The following PLXNA2 variants were observed in gnomAD, a reference collection of about 807,000 sequenced individuals.
The protein encoded by PLXNA2 is plexin-A2.
Under a neutral mutation model 193.5 loss-of-function variants are expected in PLXNA2, and 91 were observed. The observed-to-expected ratio is 0.47, with a 90% CI of 0.40 to 0.56. The LOEUF (loss-of-function observed/expected upper bound fraction) is 0.56, where lower values mean the gene tolerates loss of function less well. Ranked by LOEUF, PLXNA2 falls within the 20% of genes least tolerant of loss-of-function variation. The pLI, the probability that PLXNA2 is intolerant of heterozygous loss-of-function variation, is 0.00. For synonymous variants in PLXNA2, 997 were observed against 1,027.3 expected, an observed-to-expected ratio of 0.97 and a Z score of 0.56; for missense variants, 1,995 against 2,503.2, an observed-to-expected ratio of 0.80 and a Z score of 4.33.
intron 9 of PLXNA2, among the ~76,000 whole-genome samples, chr1:208,085,043 G>T (rs748584907): frequency 2.0e-5 from 3 of 151,416 alleles, no homozygotes; most frequent in Non-Finnish European, 4.4e-5. Flanking sequence ...TTTCCAGAAG[G>T]TGGATCAAGC....
Position 208,210,442 on chromosome 1 carries a change from G to C in PLXNA2, c.1209C>G (p.Asn403Lys). ...GCTGGTTGATGTCCAGTCCACAGAA[G>C]TTATCATCGATGGGGACAGGCTGGA... ...CTKAPVPIDD[N>K]FCGLDINQPL... Residue 403 changes from asparagine (N) to lysine (K), a missense_variant, in exon 3 of 32, where the codon AAC becomes AAG. This residue lies in a region of PLXNA2 where 702 missense variants were observed against 812.9 expected (regional missense o/e 0.86). Transcript: ENST00000367033. 6.2e-7 allele frequency: 1 copy of C among 1,613,182 alleles called. No homozygotes were observed. The highest frequency in any genetic ancestry group is 2.2e-5 in the East Asian group (1 of 44,840).
At chr1:208,235,041 G>A (rs1671811601) in intron 1 of PLXNA2, among the ~76,000 whole-genome samples, 1 of 152,154 alleles carries the variant, frequency 6.6e-6, no homozygotes, top group African/African-American at 2.4e-5. Context: ...TCCATGAAGG[G>A]TTGACTCCCA....
intron 3 of PLXNA2, among the ~76,000 whole-genome samples, chr1:208,157,883 C>A (rs1256383882): frequency 6.6e-6 from 1 of 152,194 alleles, no homozygotes; most frequent in African/African-American, 2.4e-5. Flanking sequence ...GGAGAGAAGG[C>A]AAGACTGTTT....
At chr1:208,235,817 G>GAAC (rs1289180492) in intron 1 of PLXNA2, among the ~76,000 whole-genome samples, 1 of 152,210 alleles carries the variant, frequency 6.6e-6, no homozygotes, top group Non-Finnish European at 1.5e-5. Flanking sequence ...CTCTAAGTCT[G>GAAC]TGGGCCAAGA....
chr1:208,084,349 T>C (rs1666440664), intron 10 of PLXNA2, 31 bp downstream of exon 10: 1 of 1,604,554 alleles, frequency 6.2e-7, no homozygotes, highest in Non-Finnish European at 8.5e-7. Flanking sequence ...GAAGCCCTGC[T>C]CCAGGCAGGG....
intron 3 of PLXNA2, among the ~76,000 whole-genome samples, chr1:208,153,305 C>A (rs545808747): frequency 9.2e-5 from 14 of 152,210 alleles, no homozygotes; most frequent in Non-Finnish European, 1.6e-4. Context: ...GATGAGGAAA[C>A]GGAGGCATAG....
chr1:208,124,290 T>C (rs1394218550), intron 4 of PLXNA2, among the ~76,000 whole-genome samples: 1 of 152,126 alleles, frequency 6.6e-6, no homozygotes, highest in Non-Finnish European at 1.5e-5. Context: ...ACCTGGGTGA[T>C]GAAATAATCT....
Position 208,082,510 on chromosome 1 carries a change from T to C in PLXNA2, c.2299-2A>G. On this transcript the variant is annotated splice_acceptor_variant, in intron 10 of 31. Transcript: ENST00000367033. LOFTEE classifies it high-confidence loss of function. The surrounding 1 kb of genome is among the most constrained non-coding windows in gnomAD (Gnocchi z 4.2). ...GATGTCCATGCCATCATACTGGTAC[T>C]ATAGGGAGACGGGCAGAGGCATGGG... 6.2e-7 allele frequency: 1 copy of C among 1,613,302 alleles called. No homozygotes were observed. Among genetic ancestry groups the C allele is most frequent in the Non-Finnish European group, 8.5e-7 (1 of 1,179,368 alleles).
At chr1:208,186,422 A>G (rs1669999949) in intron 3 of PLXNA2, among the ~76,000 whole-genome samples, 1 of 152,212 alleles carries the variant, frequency 6.6e-6, no homozygotes, top group Non-Finnish European at 1.5e-5. Context: ...AAAAACAAAC[A>G]AACGGAAAAA....
intron 3 of PLXNA2, among the ~76,000 whole-genome samples, chr1:208,155,974 G>C (rs570700): frequency 0.28 from 43,050 of 152,118 alleles, 6,951 homozygotes; most frequent in Non-Finnish European, 0.37. Context: ...CCCATGAAGC[G>C]CAGTGAAGGA....
intron 4 of PLXNA2, among the ~76,000 whole-genome samples, chr1:208,139,083 G>T (rs1038044940): frequency 6.6e-6 from 1 of 152,184 alleles, no homozygotes; most frequent in African/African-American, 2.4e-5. Flanking sequence ...AATTGAAAAA[G>T]AGAACACTGC....
rs761558799 is a variant in PLXNA2, at chr1:208,217,539, G to A, written c.384C>T (p.Ala128=). Residue 128 remains alanine, a synonymous_variant, in exon 2 of 32, where the codon GCC becomes GCT. Coordinates refer to ENST00000367033, the MANE Select transcript of PLXNA2 (RefSeq NM_025179.4). This position sits in a 1 kb window ranked among gnomAD's most constrained non-coding sequence, Gnocchi z 4.7. ...AGACCCCCTGGTAGAGGCTCCCACA[G>A]GCCAGCAGGCGGTTCTCAGAGTAGT... is the stretch of plus-strand genomic sequence containing the variant. ...IIDYSENRLL[A]CGSLYQGVCK... is the part of the protein sequence containing the mutation. 4 of 1,614,234 alleles carry A rather than the reference G, an allele frequency of 2.5e-6. No homozygotes were observed. Among genetic ancestry groups the A allele is most frequent in the Non-Finnish European group, 3.4e-6 (4 of 1,180,048 alleles).
At chr1:208,058,676 C>A (rs368385236) in intron 13 of PLXNA2, among the ~76,000 whole-genome samples, 1 of 152,094 alleles carries the variant, frequency 6.6e-6, no homozygotes, top group South Asian at 2.1e-4. Flanking sequence ...TTTTCTGGGG[C>A]GACCACCAGC....
intron 5 of PLXNA2, among the ~76,000 whole-genome samples, chr1:208,102,476 G>A (rs1458829182): frequency 6.6e-6 from 1 of 152,224 alleles, no homozygotes; most frequent in Admixed American, 6.5e-5. Context: ...TTCAACGGCA[G>A]ATCATGAGGC....
intron 13 of PLXNA2, among the ~76,000 whole-genome samples, chr1:208,054,982 T>C (rs1044082552): frequency 1.3e-5 from 2 of 152,198 alleles, no homozygotes; most frequent in Non-Finnish European, 2.9e-5. Context: ...GAGGGCATGT[T>C]TGCCAAGCCG....
chr1:208,237,885 A>G (rs1238520196), intron 1 of PLXNA2, among the ~76,000 whole-genome samples: 1 of 152,140 alleles, frequency 6.6e-6, no homozygotes, highest in East Asian at 1.9e-4. Flanking sequence ...TTACTTTTTC[A>G]TCCTTGTATT....
chr1:208,146,223 T>G (rs753131355), intron 3 of PLXNA2, among the ~76,000 whole-genome samples: 21 of 152,214 alleles, frequency 1.4e-4, no homozygotes, highest in Non-Finnish European at 2.1e-4. Flanking sequence ...GGGTTTCCAT[T>G]CTGACTCTGT....
At chr1:208,181,729 T>C (rs901784848) in intron 3 of PLXNA2, among the ~76,000 whole-genome samples, 2 of 152,166 alleles carry the variant, frequency 1.3e-5, no homozygotes, top group African/African-American at 4.8e-5. Flanking sequence ...ACCAGGCCGT[T>C]GTGGGCCCGA....
chr1:208,100,100 A>G (rs1667045526), intron 5 of PLXNA2, among the ~76,000 whole-genome samples: 1 of 151,888 alleles, frequency 6.6e-6, no homozygotes, highest in Non-Finnish European at 1.5e-5. Context: ...TTGGCCAGGC[A>G]TGGTGGCTCA....
Sources: gnomAD v4.1 joint callset for allele counts (sites outside exome capture counted in the v4.1 genomes callset) on GRCh38, gnomAD v4.1.1 for gene constraint, gnomAD v4.1.1 regional missense constraint, Gnocchi (gnomAD v3.1) non-coding constraint, MANE v1.5 for transcripts, NCBI Gene and HGNC (gene_info 2026-07-23, HGNC 2026-07-21) for gene names.